Variants in NHSL1 observed in about 807,000 individuals in gnomAD.
The protein encoded by NHSL1 is NHS like 1.
A neutral mutation model predicts 95.0 loss-of-function variants in NHSL1; 48 were observed. That is an observed-to-expected ratio of 0.51 (90% CI 0.40 to 0.64). The LOEUF (loss-of-function observed/expected upper bound fraction) is 0.64. Ranked by LOEUF, NHSL1 falls within the 30% of genes least tolerant of loss-of-function variation. The pLI, the probability that NHSL1 is intolerant of heterozygous loss-of-function variation, is 0.00. For synonymous variants in NHSL1, 783 were observed against 833.9 expected (o/e 0.94, Z 1.05); for missense variants, 1,971 against 2,077.7 (o/e 0.95, Z 1.00).
At position 138,447,074 on chromosome 6, in the gene NHSL1, C is replaced by T. The variant is rs765325279; in HGVS notation, c.459G>A (p.Leu153=). ...GTCGCATCTTCTCTTCTGGTGTTGG[C>T]AGTGGAAGCGACTTGGTCCAGTTCG... ...TQTNWTKSLP[L]PTPEEKMRQQ... is the part of the protein sequence containing the mutation. The change falls in exon 4 of 8, where the codon CTG becomes CTA. Residue 153 remains leucine (L), a synonymous_variant. Transcript: ENST00000343505. 3 of 1,551,692 alleles carry T rather than the reference C, an allele frequency of 1.9e-6. No individual in the cohort carries two copies. The highest frequency in any genetic ancestry group is 2.4e-5 in the South Asian group (2 of 84,050).
chr6:138,623,170 T>C (rs1003693655), intron 1 of NHSL1, among the ~76,000 whole-genome samples: 2 of 152,188 alleles, frequency 1.3e-5, no homozygotes, highest in African/African-American at 4.8e-5. Context: ...GATGGGAATG[T>C]GGGCAAAAGG....
chr6:138,679,936 A>C (rs1785492247), intron 1 of NHSL1, among the ~76,000 whole-genome samples: 1 of 152,132 alleles, frequency 6.6e-6, no homozygotes, highest in African/African-American at 2.4e-5. Context: ...CAAACATATA[A>C]ATATATTGGC....
At chr6:138,560,013 C>G (rs1783354146) in intron 1 of NHSL1, among the ~76,000 whole-genome samples, 1 of 152,296 alleles carries the variant, frequency 6.6e-6, no homozygotes, top group Admixed American at 6.5e-5. Context: ...CCTGAAAACC[C>G]CAAAACATTC....
chr6:138,656,533 T>C (rs1785159038), intron 1 of NHSL1, among the ~76,000 whole-genome samples: 1 of 152,166 alleles, frequency 6.6e-6, no homozygotes. Context: ...GAAATGTGCA[T>C]GTGTATTTTA....
chr6:138,560,117 A>C (rs907060542), intron 1 of NHSL1, among the ~76,000 whole-genome samples: 1 of 152,252 alleles, frequency 6.6e-6, no homozygotes, highest in African/African-American at 2.4e-5. Context: ...ACTAGAGAAG[A>C]ATTTACTAAT....
At chr6:138,653,615 C>T (rs556933586) in intron 1 of NHSL1, among the ~76,000 whole-genome samples, 4 of 152,080 alleles carry the variant, frequency 2.6e-5, no homozygotes, top group African/African-American at 7.2e-5. Flanking sequence ...TGATTGGCAA[C>T]TTATTTTGTG....
intron 1 of NHSL1, among the ~76,000 whole-genome samples, chr6:138,631,163 T>A (rs902344607): frequency 1.3e-5 from 2 of 152,130 alleles, no homozygotes; most frequent in African/African-American, 4.8e-5. Context: ...GCAGGGAGCA[T>A]TTAAACCAAC....
intron 3 of NHSL1, among the ~76,000 whole-genome samples, chr6:138,461,641 T>C (rs1446338436): frequency 6.6e-6 from 1 of 152,118 alleles, no homozygotes; most frequent in Non-Finnish European, 1.5e-5. Flanking sequence ...AAGTGTGCGC[T>C]GGGGATAAAA....
chr6:138,565,935 CCT>C (rs1347824292), intron 1 of NHSL1, among the ~76,000 whole-genome samples: 2 of 135,232 alleles, frequency 1.5e-5, no homozygotes, highest in Non-Finnish European at 3.0e-5. Flanking sequence ...AAAGCAAGAC[CCT>C]GTTTCTAAAA....
chr6:138,496,332 T>TG lies in NHSL1; in HGVS notation c.97dup (p.His33ProfsTer23), dbSNP rs1780349294. On this transcript the variant is annotated frameshift_variant, in exon 2 of 8. Coordinates refer to ENST00000343505, the MANE Select transcript of NHSL1 (RefSeq NM_001144060.2). LOFTEE classifies it high-confidence loss of function. The stretch of plus-strand genomic sequence containing the variant: ...CTGCTGGTGCCACGGGGCAGTGTAG[T>TG]GGACTGTCCATCGGCTTTCCTCATC... 5.2e-6 allele frequency: 8 copies of TG among 1,550,568 alleles called. No individual in the cohort carries two copies. Among genetic ancestry groups the TG allele is most frequent in the Non-Finnish European group, 7.0e-6 (8 of 1,146,890 alleles).
chr6:138,574,230 T>A (rs1298371588), upstream of NHSL1, among the ~76,000 whole-genome samples: 3 of 152,108 alleles, frequency 2.0e-5, no homozygotes, highest in Non-Finnish European at 2.9e-5. Flanking sequence ...CGCACCCAGA[T>A]GACTACCATT....
At chr6:138,439,839 T>C (rs1387893428) in intron 5 of NHSL1, among the ~76,000 whole-genome samples, 2 of 151,838 alleles carry the variant, frequency 1.3e-5, no homozygotes, top group Non-Finnish European at 2.9e-5. Flanking sequence ...ATGTCACATG[T>C]AAAAGAAATG....
chr6:138,639,840 A>C lies in NHSL1; in HGVS notation c.96+52636T>G, dbSNP rs568585179. Among the ~76,000 whole-genome samples the C allele has an allele frequency of 2.1e-5, 3 of 143,404 alleles. No homozygotes were observed. The South Asian group carries it at 6.8e-4, about 33-fold the overall frequency. The allele number at this position is 143,404 out of a possible 152,430, so 94.1% of individuals were successfully genotyped here. A position where few individuals can be genotyped will look rare whatever the true frequency, so the allele number is the denominator to read the frequency against. ...AAAAAAAAAAAGTTGATGTATATGT[A>C]TATAAATAACCTTCTCATTCTTACA... is the stretch of plus-strand genomic sequence containing the variant. On this transcript the variant is annotated intron_variant, in intron 1 of 3. Transcript: ENST00000491526.
chr6:138,541,762 A>G (rs1782589870), intron 1 of NHSL1, among the ~76,000 whole-genome samples: 1 of 152,166 alleles, frequency 6.6e-6, no homozygotes, highest in African/African-American at 2.4e-5. Flanking sequence ...AAAAGGCAAC[A>G]TTTTCCTTTG....
upstream of NHSL1, among the ~76,000 whole-genome samples, chr6:138,503,712 C>G (rs1426571098): frequency 6.6e-6 from 1 of 152,144 alleles, no homozygotes; most frequent in African/African-American, 2.4e-5. Flanking sequence ...CTTTAAACAT[C>G]CTGCTCAACC....
intron 1 of NHSL1, among the ~76,000 whole-genome samples, chr6:138,683,763 G>A (rs780783441): frequency 6.6e-6 from 1 of 152,226 alleles, no homozygotes. Context: ...TACCAGCTGT[G>A]AATGTGGGCA....
intron 1 of NHSL1, chr6:138,571,571 G>A (rs1783839820): frequency 8.2e-6 from 6 of 728,186 alleles, no homozygotes; most frequent in African/African-American, 1.8e-5. Flanking sequence ...AACAAATGAC[G>A]CCGAATTCCA....
chr6:138,514,632 T>C (rs1043066350), intron 1 of NHSL1, among the ~76,000 whole-genome samples: 2 of 152,216 alleles, frequency 1.3e-5, no homozygotes, highest in Non-Finnish European at 1.5e-5. Context: ...AAATATCTTA[T>C]TGTGGCCAGG....
chr6:138,578,867 C>A (rs2114480219), intron 1 of NHSL1, among the ~76,000 whole-genome samples: 1 of 152,264 alleles, frequency 6.6e-6, no homozygotes, highest in Admixed American at 6.5e-5. Flanking sequence ...GACTATAATG[C>A]CCCTGAGGCC....
Sources: allele counts gnomAD v4.1 joint callset (sites outside exome capture counted in the v4.1 genomes callset), GRCh38; gene constraint gnomAD v4.1.1; transcripts MANE v1.5; gene names NCBI Gene and HGNC (gene_info 2026-07-23, HGNC 2026-07-21).